The following DYNC1LI1 variants were observed in gnomAD, a reference collection of about 807,000 sequenced individuals.
The protein encoded by DYNC1LI1 is dynein cytoplasmic 1 light intermediate chain 1.
Under a neutral mutation model 63.8 loss-of-function variants are expected in DYNC1LI1, and 19 were observed. That is an observed-to-expected ratio of 0.30 (90% confidence interval 0.21 to 0.44). DYNC1LI1 has a LOEUF of 0.44. Ranked by LOEUF, DYNC1LI1 falls within the 20% of genes least tolerant of loss-of-function variation. DYNC1LI1 has a pLI of 1.00. For missense variants in DYNC1LI1, 565 were observed against 630.2 expected (o/e 0.90, Z 1.11); for synonymous variants, 225 against 232.3 (o/e 0.97, Z 0.28).
chr3:32,558,999 C>T (rs1338719115), intron 2 of DYNC1LI1, among the ~76,000 whole-genome samples: 2 of 151,790 alleles, frequency 1.3e-5, no homozygotes, highest in African/African-American at 4.8e-5. Context: ...AGAGTAAGAT[C>T]AGACCATCTC....
chr3:32,542,134 G>A (rs1697890413), intron 4 of DYNC1LI1, among the ~76,000 whole-genome samples: 1 of 152,178 alleles, frequency 6.6e-6, no homozygotes, highest in Non-Finnish European at 1.5e-5. Context: ...TATTTATTTA[G>A]AGACAGGGTC....
At chr3:32,556,664 CT>C in intron 2 of DYNC1LI1, among the ~76,000 whole-genome samples, 1 of 152,294 alleles carries the variant, frequency 6.6e-6, no homozygotes, top group East Asian at 1.9e-4. Flanking sequence ...TCCACCTCAG[CT>C]TAAGTAATCG....
At chr3:32,546,001 A>G (rs773386735) in intron 2 of DYNC1LI1, 36 bp from the exon 3 acceptor site, 2 of 1,379,464 alleles carry the variant, frequency 1.4e-6, no homozygotes, top group Non-Finnish European at 2.0e-6. Context: ...CTTATAAATT[A>G]TAACACCGAT....
chr3:32,559,153 A>C (rs1698156402), intron 2 of DYNC1LI1, among the ~76,000 whole-genome samples: 1 of 151,780 alleles, frequency 6.6e-6, no homozygotes, highest in South Asian at 2.1e-4. Flanking sequence ...TTCCCGAGTA[A>C]CTTGCACTAC....
Position 32,533,135 on chromosome 3 carries a change from A to G in DYNC1LI1, c.969-38T>C, listed in dbSNP as rs936006097. The G allele has an allele frequency of 9.6e-6, 15 of 1,567,458 alleles. No homozygotes were observed. In the East Asian group the frequency reaches 3.5e-4, roughly 36 times the overall value. ...ACATATGATAAATTCTCAAGCATTT[A>G]TATAGTCATTCTTTCATTCAGTCCA... On this transcript the variant is annotated intron_variant, in intron 7 of 12. Coordinates refer to ENST00000273130, the MANE Select transcript of DYNC1LI1 (RefSeq NM_016141.4).
At chr3:32,553,966 G>C (rs897072538) in intron 2 of DYNC1LI1, among the ~76,000 whole-genome samples, 3 of 152,200 alleles carry the variant, frequency 2.0e-5, no homozygotes, top group Admixed American at 2.0e-4. Flanking sequence ...TGCATAAGGA[G>C]GCAAGGCTAG....
intron 2 of DYNC1LI1, among the ~76,000 whole-genome samples, chr3:32,562,963 A>G (rs550650505): frequency 2.4e-4 from 37 of 152,124 alleles, no homozygotes; most frequent in Middle Eastern, 6.8e-3. Context: ...CACCCTTCTT[A>G]GCAAAATTGT....
intron 2 of DYNC1LI1, among the ~76,000 whole-genome samples, chr3:32,548,036 T>C (rs553554847): frequency 3.7e-4 from 57 of 152,168 alleles, no homozygotes; most frequent in Middle Eastern, 3.4e-3. Context: ...ACACACATAC[T>C]CGCAATGCAA....
chr3:32,542,802 G>A (rs1195006678), intron 4 of DYNC1LI1, among the ~76,000 whole-genome samples: 1 of 152,166 alleles, frequency 6.6e-6, no homozygotes, highest in East Asian at 1.9e-4. Flanking sequence ...CAGATCTTTG[G>A]ATCATGAAGA....
At chr3:32,555,630 G>A (rs1464714937) in intron 2 of DYNC1LI1, among the ~76,000 whole-genome samples, 1 of 152,138 alleles carries the variant, frequency 6.6e-6, no homozygotes, top group Non-Finnish European at 1.5e-5. Context: ...CATTCACTAA[G>A]TATATACCAG....
At chr3:32,547,766 C>T (rs551946456) in intron 2 of DYNC1LI1, among the ~76,000 whole-genome samples, 224 of 152,180 alleles carry the variant, frequency 1.5e-3, no homozygotes, top group Non-Finnish European at 2.5e-3. Context: ...AGTAAGAAAT[C>T]CAAAGGAAGT....
chr3:32,553,456 C>CAAG (rs1246631316), intron 2 of DYNC1LI1, among the ~76,000 whole-genome samples: 3 of 152,190 alleles, frequency 2.0e-5, no homozygotes, highest in Non-Finnish European at 4.4e-5. Flanking sequence ...CGTCCCCTTA[C>CAAG]CTACTTTGAG....
intron 2 of DYNC1LI1, among the ~76,000 whole-genome samples, chr3:32,546,664 C>T (rs1191226268): frequency 6.6e-6 from 1 of 151,984 alleles, no homozygotes; most frequent in Non-Finnish European, 1.5e-5. Flanking sequence ...CTTAATTGGC[C>T]CAGTTTGAGT....
intron 6 of DYNC1LI1, among the ~76,000 whole-genome samples, chr3:32,536,679 G>A (rs1424369878): frequency 6.6e-6 from 1 of 152,084 alleles, no homozygotes; most frequent in East Asian, 1.9e-4. Context: ...TACTGACCTT[G>A]TCCTACCACC....
rs557954772 is a variant in DYNC1LI1 at position 32,565,633 on chromosome 3, CAG to C, written c.220+4711_220+4712del. Among the ~76,000 whole-genome samples the C allele has an allele frequency of 6.0e-4, 91 of 152,152 alleles. 1 individual carries two copies. The highest frequency in any genetic ancestry group is 2.1e-3 in the African/African-American group (89 of 41,528). On this transcript the variant is annotated intron_variant, in intron 2 of 12. Transcript: ENST00000273130. The stretch of plus-strand genomic sequence containing the variant: ...CAATTTTTCTTTCTTTTTTTTGAGA[CAG>C]AGTTTCACTCGTCACCCAGGCTGGA...
chr3:32,530,159 G>A, intron 10 of DYNC1LI1, 125 bp downstream of exon 10: 1 of 800,754 alleles, frequency 1.2e-6, no homozygotes, highest in Admixed American at 3.2e-5. Flanking sequence ...ACAAATTACA[G>A]AAGAATTCTG....
intron 5 of DYNC1LI1, among the ~76,000 whole-genome samples, chr3:32,538,295 T>C (rs1453198351): frequency 1.3e-5 from 2 of 149,930 alleles, no homozygotes; most frequent in Admixed American, 1.4e-4. Context: ...ATGAGGAGCA[T>C]TTCATTGCCC....
At chr3:32,533,240 A>G in intron 7 of DYNC1LI1, 143 bp from the exon 8 acceptor site, 5 of 1,311,788 alleles carry the variant, frequency 3.8e-6, no homozygotes, top group Non-Finnish European at 4.9e-6. Flanking sequence ...TATGATGTCC[A>G]CGTTTTACTA....
intron 6 of DYNC1LI1, 45 bp from the exon 7 acceptor site, chr3:32,534,691 C>T: frequency 6.9e-7 from 1 of 1,445,194 alleles, no homozygotes; most frequent in Non-Finnish European, 9.2e-7. Flanking sequence ...ATGTCATGAG[C>T]AAATACCATA....
Sources: gnomAD v4.1 joint callset for allele counts (sites outside exome capture counted in the v4.1 genomes callset) on GRCh38, gnomAD v4.1.1 for gene constraint, MANE v1.5 for transcripts, NCBI Gene and HGNC (gene_info 2026-07-23, HGNC 2026-07-21) for gene names.